The following PGM3 variants were observed in gnomAD, a reference collection of about 807,000 sequenced individuals.
The protein encoded by PGM3 is phosphoacetylglucosamine mutase.
In PGM3, 40 loss-of-function variants were observed where a neutral mutation model predicts 66.2. The observed-to-expected ratio is 0.60, with a 90% CI of 0.47 to 0.79. PGM3 has a LOEUF of 0.79. Ranked by LOEUF, PGM3 falls within the 30% of genes least tolerant of loss-of-function variation. The pLI is 0.00. For synonymous variants in PGM3, 191 were observed against 224.2 expected (o/e 0.85, Z 1.32); for missense variants, 537 against 643.4 (o/e 0.83, Z 1.79).
chr6:83,158,608 T>C, downstream of PGM3: 2 of 1,606,462 alleles, frequency 1.2e-6, no homozygotes, highest in Non-Finnish European at 1.7e-6. Flanking sequence ...TCACTGCTGA[T>C]GAAGATATTT....
At chr6:83,190,727 G>T (rs997816771) in intron 2 of PGM3, 82 bp downstream of exon 2, 4 of 1,075,478 alleles carry the variant, frequency 3.7e-6, no homozygotes, top group Non-Finnish European at 5.7e-6. Flanking sequence ...ATTAGAATTT[G>T]TACTTTAGGT....
At chr6:83,150,791 A>C in the PGM3 span, among the ~76,000 whole-genome samples, 1 of 152,254 alleles carries the variant, frequency 6.6e-6, no homozygotes, top group African/African-American at 2.4e-5. Flanking sequence ...ATTACAATTT[A>C]AGATTTTTTA....
Position 83,170,460 on chromosome 6 carries a change from T to C in PGM3, c.1384A>G (p.Ile462Val), listed in dbSNP as rs919274133. Reference sequence around the variant, plus strand: ...TGTCTTTCAGCATCGGTAGTGCTAATAACTCTCCTGTCTGCAACCTAAGTG... The same window carrying C: ...TGTCTTTCAGCATCGGTAGTGCTAACAACTCTCCTGTCTGCAACCTAAGTG... Reference protein sequence around the residue: ...LKVQVADRRVISTTDAERQAV... With the variant: ...LKVQVADRRVVSTTDAERQAV... The change falls in exon 12 of 13, where the codon ATT becomes GTT. Residue 462 changes from isoleucine to valine, a missense_variant. Transcript: ENST00000513973. 1.2e-6 allele frequency: 2 copies of C among 1,613,980 alleles called. No individual in the cohort carries two copies. The highest frequency in any genetic ancestry group is 1.3e-5 in the African/African-American group (1 of 75,060).
the PGM3 span, among the ~76,000 whole-genome samples, chr6:83,149,449 C>T: frequency 6.6e-6 from 1 of 152,022 alleles, no homozygotes; most frequent in Non-Finnish European, 1.5e-5. Flanking sequence ...CTTTGTGAAA[C>T]AGGAAGGGGA....
chr6:83,155,196 T>G, the PGM3 span, among the ~76,000 whole-genome samples: 2 of 151,778 alleles, frequency 1.3e-5, no homozygotes, highest in African/African-American at 4.8e-5. Flanking sequence ...GTGCAGTGGC[T>G]CACGCCTGTA....
intron 8 of PGM3, among the ~76,000 whole-genome samples, chr6:83,177,312 A>T (rs146134887): frequency 2.7e-4 from 41 of 152,290 alleles, no homozygotes; most frequent in Non-Finnish European, 4.6e-4. Flanking sequence ...AAGTATAGGC[A>T]AACAGACTTC....
Position 83,190,825 on chromosome 6 carries a change from G to A in PGM3, c.188C>T (p.Ala63Val), listed in dbSNP as rs756062467. Residue 63 changes from alanine to valine, a missense_variant, in exon 2 of 13, where the codon GCG (alanine) becomes GTG (valine). By Grantham distance (64) the Ala-to-Val change is moderately conservative. Coordinates refer to ENST00000513973, the MANE Select transcript of PGM3 (RefSeq NM_015599.3). ...TKSTIGVMVT[A>V]SHNPEEDNGV... ...ACCCATTACCTCAGGATTGTGGGAC[G>A]CTGTTACCATGACTCCTATAGTGGA... 12 of 1,613,288 alleles carry A rather than the reference G, an allele frequency of 7.4e-6. No individual in the cohort carries two copies. The highest frequency in any genetic ancestry group is 2.2e-5 in the South Asian group (2 of 91,080).
chr6:83,164,614 T>C, downstream of PGM3: 5 of 1,536,734 alleles, frequency 3.3e-6, no homozygotes, highest in Non-Finnish European at 3.5e-6. Context: ...CCAAGCATAC[T>C]TTTCACTGGA....
intron 8 of PGM3, among the ~76,000 whole-genome samples, chr6:83,176,306 T>G (rs1787766541): frequency 6.6e-6 from 1 of 152,146 alleles, no homozygotes; most frequent in African/African-American, 2.4e-5. Flanking sequence ...CACGAAAGAT[T>G]ACAAGTGGGG....
chr6:83,160,009 C>A, downstream of PGM3: 1 of 1,579,758 alleles, frequency 6.3e-7, no homozygotes. Flanking sequence ...AGTGCATTTG[C>A]TTTGGTCACT....
chr6:83,170,653 C>T (rs939283868), intron 11 of PGM3, 175 bp from the exon 12 acceptor site: 3 of 590,100 alleles, frequency 5.1e-6, no homozygotes, highest in African/African-American at 3.7e-5. Context: ...TCTTTTTCTT[C>T]AGTCTATAAA....
intron 3 of PGM3, among the ~76,000 whole-genome samples, chr6:83,188,141 A>G (rs539109466): frequency 2.6e-5 from 4 of 152,346 alleles, no homozygotes; most frequent in East Asian, 3.9e-4. Flanking sequence ...TTTGTTAAGA[A>G]AGGCAAAAGC....
At chr6:83,193,657 C>T (rs1789379134), upstream of PGM3, among the ~76,000 whole-genome samples, 1 of 152,186 alleles carries the variant, frequency 6.6e-6, no homozygotes, top group South Asian at 2.1e-4. Context: ...CGACCTCGCC[C>T]ACAGTGAGCG....
chr6:83,190,790 A>G lies in PGM3; in HGVS notation c.204+19T>C. 1 of 1,577,766 alleles carries G rather than the reference A, an allele frequency of 6.3e-7. No homozygotes were observed. The highest frequency in any genetic ancestry group is 8.7e-7 in the Non-Finnish European group (1 of 1,147,016). On this transcript the variant is annotated intron_variant, in intron 2 of 12. Transcript: ENST00000513973. ...CTTGTAAATAATGGTCTGCTTTATCAGGGCACTAAACCCATTACCTCAGGA... is the reference window on the plus strand; with the variant it reads ...CTTGTAAATAATGGTCTGCTTTATCGGGGCACTAAACCCATTACCTCAGGA...
In PGM3 at chr6:83,181,778, A is replaced by G. The variant is rs1788195656; in HGVS notation, c.745T>C (p.Cys249Arg). Residue 249 changes from cysteine (C) to arginine (R), a missense_variant, in exon 6 of 13, where the codon TGT (cysteine) becomes CGT (arginine). Transcript: ENST00000513973. The stretch of plus-strand genomic sequence containing the variant: ...TGACTTTTCACAAAGTCAGCTCCAC[A>G]TAAATGATTGAGTTTGCCCTTGGAC... Reference protein sequence around the residue: ...DGSKGKLNHLCGADFVKSHQK... With the variant: ...DGSKGKLNHLRGADFVKSHQK... The G allele has an allele frequency of 1.9e-6, 3 of 1,613,742 alleles. No individual in the cohort carries two copies. The highest frequency in any genetic ancestry group is 2.5e-6 in the Non-Finnish European group (3 of 1,179,900).
the PGM3 span, among the ~76,000 whole-genome samples, chr6:83,150,394 C>T: frequency 1.0e-5 from 1 of 97,914 alleles, no homozygotes; most frequent in Admixed American, 9.8e-5. Flanking sequence ...GTTCCCCTTT[C>T]CTTACATGCC....
At position 83,168,216 on chromosome 6, in the gene PGM3, A is replaced by AAC. The variant is rs755985334; in HGVS notation, c.*1016_*1017dup. 1.5e-5 allele frequency: 23 copies of AAC among 1,563,082 alleles called. No individual in the cohort carries two copies. Among genetic ancestry groups the AAC allele is most frequent in the Non-Finnish European group, 1.9e-5 (22 of 1,159,922 alleles). The stretch of plus-strand genomic sequence containing the variant: ...CTTACATGTAAATGTAATTATTTAA[A>AAC]ACACACACACTGCTCTGCGTTGTAT... On this transcript the variant is annotated 3_prime_UTR_variant, in exon 13 of 13. Transcript: ENST00000513973.
chr6:83,161,944 G>T (rs1018177988), downstream of PGM3, among the ~76,000 whole-genome samples: 1 of 152,124 alleles, frequency 6.6e-6, no homozygotes, highest in Non-Finnish European at 1.5e-5. Flanking sequence ...TGGCTGTGGT[G>T]TACTACTATG....
intron 10 of PGM3, 47 bp from the exon 11 acceptor site, chr6:83,172,106 T>G (rs1787260062): frequency 6.2e-7 from 1 of 1,601,276 alleles, no homozygotes; most frequent in Non-Finnish European, 8.5e-7. Flanking sequence ...CACAAGCAAA[T>G]CTTGGAAATG....
Sources: allele counts gnomAD v4.1 joint callset (sites outside exome capture counted in the v4.1 genomes callset), GRCh38; gene constraint gnomAD v4.1.1; transcripts MANE v1.5; gene names NCBI Gene and HGNC (gene_info 2026-07-23, HGNC 2026-07-21).